Variants in R3HDM1 observed in about 807,000 individuals in gnomAD.
R3HDM1 encodes R3H domain-containing protein 1.
A neutral mutation model predicts 141.1 loss-of-function variants in R3HDM1; 46 were observed. The observed-to-expected ratio is 0.33, with a 90% CI of 0.26 to 0.42. The LOEUF (loss-of-function observed/expected upper bound fraction) is 0.42. Ranked by LOEUF, R3HDM1 falls within the 10% of genes least tolerant of loss-of-function variation. R3HDM1 has a pLI of 1.00. For synonymous variants in R3HDM1, 435 were observed against 472.9 expected (o/e 0.92, Z 1.04); for missense variants, 1,184 against 1,368.3 (o/e 0.87, Z 2.12).
intron 3 of R3HDM1, chr2:135,605,676 ATTTAT>A (rs929661403): frequency 1.3e-5 from 2 of 151,934 alleles, no homozygotes; most frequent in Non-Finnish European, 1.5e-5. Flanking sequence ...CTTTTAAACA[ATTTAT>A]TTTATTTTAT....
chr2:135,573,565 G>A (rs1416644946), intron 1 of R3HDM1, among the ~76,000 whole-genome samples: 2 of 151,212 alleles, frequency 1.3e-5, no homozygotes, highest in Non-Finnish European at 2.9e-5. Flanking sequence ...AATAGAATAA[G>A]AGTAGGGATT....
At chr2:135,713,141 G>A (rs1279975114) in intron 23 of R3HDM1, among the ~76,000 whole-genome samples, 29 of 152,106 alleles carry the variant, frequency 1.9e-4, no homozygotes, top group Admixed American at 1.8e-3. Flanking sequence ...GGTAGAGGCT[G>A]CAGTGAGCTG....
chr2:135,621,295 C>T (rs944208998), intron 5 of R3HDM1, among the ~76,000 whole-genome samples, 199 bp from the exon 6 acceptor site: 13 of 151,854 alleles, frequency 8.6e-5, no homozygotes, highest in African/African-American at 2.9e-4. Flanking sequence ...CAACTCAGAA[C>T]GTTAGTTTTA....
intron 1 of R3HDM1, chr2:135,584,294 C>T (rs1707405667): frequency 1.3e-6 from 1 of 755,948 alleles, no homozygotes; most frequent in African/African-American, 1.9e-5. Context: ...TGCCACTGCT[C>T]TCCAGCCTGG....
intron 1 of R3HDM1, among the ~76,000 whole-genome samples, chr2:135,602,205 A>G (rs2059683278): frequency 6.6e-6 from 1 of 152,020 alleles, no homozygotes; most frequent in Non-Finnish European, 1.5e-5. Flanking sequence ...CTTTATCTAT[A>G]GATACTATCT....
At chr2:135,560,502 CGGGGTTT>C (rs1701607865) in intron 1 of R3HDM1, among the ~76,000 whole-genome samples, 2 of 152,038 alleles carry the variant, frequency 1.3e-5, no homozygotes, top group Non-Finnish European at 2.9e-5. Flanking sequence ...TTAGTAGAGA[CGGGGTTT>C]CACCACGTTG....
intron 7 of R3HDM1, among the ~76,000 whole-genome samples, chr2:135,624,443 T>C (rs892356087): frequency 1.3e-5 from 2 of 148,974 alleles, no homozygotes; most frequent in Non-Finnish European, 3.0e-5. Flanking sequence ...TGGTGAGATA[T>C]GAAGCATAGG....
chr2:135,546,370 G>C (rs1181416496), intron 1 of R3HDM1, among the ~76,000 whole-genome samples: 2 of 152,132 alleles, frequency 1.3e-5, no homozygotes, highest in Non-Finnish European at 2.9e-5. Flanking sequence ...TCTCCACCCT[G>C]AAGAGAATAG....
chr2:135,615,378 G>A (rs566724332), intron 3 of R3HDM1, among the ~76,000 whole-genome samples: 2 of 152,194 alleles, frequency 1.3e-5, no homozygotes, highest in East Asian at 3.9e-4. Context: ...GTACTATTTG[G>A]TGTTGGGTTT....
At chr2:135,573,877 T>C (rs1156650412) in intron 1 of R3HDM1, among the ~76,000 whole-genome samples, 3 of 152,114 alleles carry the variant, frequency 2.0e-5, no homozygotes, top group Non-Finnish European at 2.9e-5. Flanking sequence ...CCCAGTAATA[T>C]GGTGCTTTAA....
At chr2:135,631,528 A>G (rs939512295) in intron 7 of R3HDM1, among the ~76,000 whole-genome samples, 190 bp from the exon 8 acceptor site, 3 of 152,182 alleles carry the variant, frequency 2.0e-5, no homozygotes, top group African/African-American at 7.2e-5. Context: ...CTTCTGTAAT[A>G]AAAAGTTAAA....
At chr2:135,677,905 T>G (rs1482179831) in intron 20 of R3HDM1, among the ~76,000 whole-genome samples, 1 of 152,000 alleles carries the variant, frequency 6.6e-6, no homozygotes, top group African/African-American at 2.4e-5. Context: ...CTGTACACTC[T>G]CTAGTAGTGG....
intron 1 of R3HDM1, chr2:135,550,341 C>T (rs1050255202): frequency 1.6e-6 from 1 of 613,446 alleles, no homozygotes; most frequent in Non-Finnish European, 2.0e-6. Context: ...CATACAGCTA[C>T]TCTACCATGT....
At chr2:135,586,418 A>C (rs2105045759) in intron 1 of R3HDM1, 1 of 153,138 alleles carries the variant, frequency 6.5e-6, no homozygotes, top group East Asian at 1.9e-4. Context: ...AGCTCTATAG[A>C]GGAGCAATGC....
intron 21 of R3HDM1, among the ~76,000 whole-genome samples, chr2:135,703,162 T>A (rs1335140901): frequency 2.0e-5 from 3 of 152,200 alleles, no homozygotes; most frequent in African/African-American, 7.2e-5. Context: ...TGTAGACTCT[T>A]TTTTAGGTTT....
intron 4 of R3HDM1, among the ~76,000 whole-genome samples, 185 bp from the exon 5 acceptor site, chr2:135,616,483 A>T (rs781331512): frequency 9.9e-5 from 15 of 152,198 alleles, no homozygotes; most frequent in Admixed American, 6.5e-4. Context: ...TCAAAACTGC[A>T]AATGTTTGTG....
At chr2:135,632,028 AT>A in intron 9 of R3HDM1, 27 bp downstream of exon 9, 1 of 1,497,700 alleles carries the variant, frequency 6.7e-7, no homozygotes, top group Middle Eastern at 1.8e-4. Context: ...GTAACTACAT[AT>A]TATATATCTA....
At chr2:135,701,366 G>T (rs941598311) in intron 21 of R3HDM1, among the ~76,000 whole-genome samples, 3 of 151,992 alleles carry the variant, frequency 2.0e-5, no homozygotes, top group Non-Finnish European at 2.9e-5. Context: ...TCTTAACACT[G>T]CACTCCTGGG....
chr2:135,575,017 C>T (rs1453334920), intron 1 of R3HDM1, among the ~76,000 whole-genome samples: 1 of 152,192 alleles, frequency 6.6e-6, no homozygotes, highest in Admixed American at 6.5e-5. Flanking sequence ...AGAAGAAAGA[C>T]TATCTCTGCA....
Sources: gnomAD v4.1 joint callset for allele counts (sites outside exome capture counted in the v4.1 genomes callset) on GRCh38, gnomAD v4.1.1 for gene constraint, MANE v1.5 for transcripts, NCBI Gene and HGNC (gene_info 2026-07-23, HGNC 2026-07-21) for gene names.